The following CD276 variants were observed in gnomAD, a reference collection of about 807,000 sequenced individuals.
CD276 encodes CD276 molecule.
In CD276, 34 loss-of-function variants were observed where a neutral mutation model predicts 50.0. The ratio of observed to expected loss-of-function variants is 0.68; its 90% CI spans 0.52 to 0.91. The LOEUF (loss-of-function observed/expected upper bound fraction) is 0.91, where lower values mean the gene tolerates loss of function less well. Among genes scored for constraint, CD276 ranks in the 40% least tolerant of loss-of-function variants. The pLI is 0.00. For synonymous variants in CD276, 275 were observed against 313.0 expected (o/e 0.88, Z 1.28); for missense variants, 634 against 717.5 (o/e 0.88, Z 1.33).
chr15:73,691,198 G>GATA (rs1899974690), intron 1 of CD276, among the ~76,000 whole-genome samples: 1 of 150,524 alleles, frequency 6.6e-6, no homozygotes, highest in Non-Finnish European at 1.5e-5. Flanking sequence ...TTCAGTTACA[G>GATA]ATAATAGAAA....
chr15:73,712,450 A>C (rs1900941040), intron 9 of CD276, among the ~76,000 whole-genome samples: 1 of 151,770 alleles, frequency 6.6e-6, no homozygotes, highest in Non-Finnish European at 1.5e-5. Context: ...CTGAAAGATG[A>C]GTCTTTGGGA....
At chr15:73,706,665 A>G (rs7176654) in intron 6 of CD276, among the ~76,000 whole-genome samples, 83,454 of 152,016 alleles carry the variant, frequency 0.55, 23,006 homozygotes, top group African/African-American at 0.57. Flanking sequence ...GCAGCTTTGT[A>G]TCATGTCAAA....
chr15:73,704,402 T>C lies in CD276; in HGVS notation c.1299T>C (p.Asn433=), dbSNP rs1020041347. The C allele has an allele frequency of 6.2e-7, 1 of 1,613,980 alleles. No individual in the cohort carries two copies. The highest frequency in any genetic ancestry group is 8.5e-7 in the Non-Finnish European group (1 of 1,180,054). The stretch of plus-strand genomic sequence containing the variant: ...TCCTGCGGGTGGTGCTGGGTGCGAA[T>C]GGCACCTACAGCTGCCTGGTGCGCA... The part of the protein sequence containing the change: ...HSVLRVVLGA[N]GTYSCLVRNP... The change falls in exon 6 of 10, where the codon AAT becomes AAC. Residue 433 remains asparagine, a synonymous_variant. Transcript: ENST00000318443. The surrounding 1 kb of genome is among the most constrained non-coding windows in gnomAD (Gnocchi z 4.1).
At chr15:73,699,776 G>T in intron 2 of CD276, 58 bp downstream of exon 2, 1 of 1,524,280 alleles carries the variant, frequency 6.6e-7, no homozygotes, top group East Asian at 2.4e-5. Flanking sequence ...CAGTTGGGGA[G>T]GGGGTGCCCA....
At chr15:73,685,405 A>T (rs1454685947) in intron 1 of CD276, among the ~76,000 whole-genome samples, 2 of 149,852 alleles carry the variant, frequency 1.3e-5, no homozygotes, top group East Asian at 2.0e-4. Context: ...CAGATATGGG[A>T]TCTATCACTG....
chr15:73,703,864 C>T lies in CD276; in HGVS notation c.939C>T (p.Leu313=). The T allele has an allele frequency of 6.2e-7, 1 of 1,613,706 alleles. No homozygotes were observed. The highest frequency in any genetic ancestry group is 8.5e-7 in the Non-Finnish European group (1 of 1,180,010). ...GCGCCTATGCCAACCGCACGGCCCT[C>T]TTCCCGGACCTGCTGGCACAAGGCA... is the stretch of plus-strand genomic sequence containing the variant. ...QGSAYANRTA[L]FPDLLAQGNA... is the part of the protein sequence containing the mutation. Residue 313 remains leucine, a synonymous_variant, in exon 5 of 10, where the codon CTC becomes CTT. Coordinates refer to ENST00000318443, the MANE Select transcript of CD276 (RefSeq NM_001024736.2).
rs772688844 is a variant in CD276 at position 73,704,254 on chromosome 15, C to T, written c.1151C>T (p.Ser384Phe). ...RPGDTVTITC[S>F]SYRGYPEAEV... is the part of the protein sequence containing the mutation. ...GGGGACACGGTGACCATCACGTGCTCCAGCTACCGGGGCTACCCTGAGGCT... is the reference window on the plus strand; with the variant it reads ...GGGGACACGGTGACCATCACGTGCTTCAGCTACCGGGGCTACCCTGAGGCT... Residue 384 changes from serine to phenylalanine, a missense_variant, in exon 6 of 10, where the codon TCC becomes TTC. By Grantham distance (155) the Ser-to-Phe change is radical. Transcript: ENST00000318443. The surrounding 1 kb of genome is among the most constrained non-coding windows in gnomAD (Gnocchi z 4.1). 26 of 1,614,074 alleles carry T rather than the reference C, an allele frequency of 1.6e-5. No homozygotes were observed. In the South Asian group the frequency reaches 2.3e-4, roughly 14 times the overall value.
chr15:73,710,088 G>T (rs1037670443), intron 8 of CD276, among the ~76,000 whole-genome samples: 6 of 152,146 alleles, frequency 3.9e-5, no homozygotes, highest in African/African-American at 1.4e-4. Flanking sequence ...CTCTGGCTTC[G>T]GTTTCCTCTT....
rs551451570 is a variant in CD276 at position 73,713,480 on chromosome 15, G to A, written c.*524G>A. On this transcript the variant is annotated 3_prime_UTR_variant, in exon 10 of 10. Coordinates refer to ENST00000318443, the MANE Select transcript of CD276 (RefSeq NM_001024736.2). ...CATAGAATCTTTTCTTCTCAGACAG[G>A]GACAGTGCGGCCTCAACATCTCCTG... 176 of 288,968 alleles carry A rather than the reference G, an allele frequency of 6.1e-4. 1 individual carries two copies. The highest frequency in any genetic ancestry group is 3.7e-3 in the African/African-American group (158 of 42,588). 17.9% of individuals were successfully genotyped at this position (288,968 alleles called of 1,614,324 possible). A position where few individuals can be genotyped will look rare whatever the true frequency, so the allele number is the denominator to read the frequency against.
rs1899825434 is a variant in CD276, at chr15:73,687,685, C to T, written c.-55+3225C>T. Among the ~76,000 whole-genome samples the T allele has an allele frequency of 6.6e-6, 1 of 152,216 alleles. No homozygotes were observed. The highest frequency in any genetic ancestry group is 1.5e-5 in the Non-Finnish European group (1 of 68,032). ...ACCCTCCAGTTCTGACCAGTGCTCCCAGCCAGCTGCCCCCTTTCTCCCTTT... is the reference window on the plus strand; with the variant it reads ...ACCCTCCAGTTCTGACCAGTGCTCCTAGCCAGCTGCCCCCTTTCTCCCTTT... On this transcript the variant is annotated intron_variant, in intron 1 of 9. Transcript: ENST00000318443. The surrounding 1 kb of genome is among the most constrained non-coding windows in gnomAD (Gnocchi z 4.0).
chr15:73,709,582 G>GA, intron 7 of CD276, 66 bp from the exon 8 acceptor site: 1 of 1,537,292 alleles, frequency 6.5e-7, no homozygotes, highest in Non-Finnish European at 9.0e-7. Flanking sequence ...TCTCAGGTGG[G>GA]AAAGTGCTGG....
chr15:73,711,065 C>T (rs1334532093), intron 8 of CD276, 70 bp from the exon 9 acceptor site: 3 of 1,545,302 alleles, frequency 1.9e-6, no homozygotes, highest in South Asian at 1.1e-5. Flanking sequence ...ACTCCTCCCT[C>T]TGCCTGACTC....
chr15:73,703,135 C>T (rs371713870), intron 4 of CD276, 49 bp downstream of exon 4: 23 of 1,523,934 alleles, frequency 1.5e-5, no homozygotes, highest in African/African-American at 6.9e-5. Flanking sequence ...CTGCTTCTGT[C>T]GGCAGGGGTT....
intron 1 of CD276, among the ~76,000 whole-genome samples, chr15:73,696,239 G>A (rs1034818369): frequency 2.0e-5 from 3 of 151,840 alleles, no homozygotes; most frequent in Non-Finnish European, 1.5e-5. Flanking sequence ...GGCAGGTCCC[G>A]GCTGGGGATG....
intron 1 of CD276, among the ~76,000 whole-genome samples, chr15:73,692,176 C>T (rs926390125): frequency 5.3e-5 from 8 of 152,150 alleles, no homozygotes; most frequent in African/African-American, 1.9e-4. Flanking sequence ...GCCAGATAGC[C>T]GAGATGTCTC....
At chr15:73,701,021 A>G (rs1340016361) in intron 2 of CD276, among the ~76,000 whole-genome samples, 1 of 143,046 alleles carries the variant, frequency 7.0e-6, no homozygotes, top group African/African-American at 2.7e-5. Context: ...CTCCTGCCTC[A>G]GCCTCCTGAG....
intron 1 of CD276, among the ~76,000 whole-genome samples, chr15:73,694,840 T>C (rs1330803491): frequency 6.6e-6 from 1 of 152,144 alleles, no homozygotes; most frequent in African/African-American, 2.4e-5. Context: ...AAAAATGCTA[T>C]GGAAGAAGGG....
intron 1 of CD276, among the ~76,000 whole-genome samples, chr15:73,690,106 C>T (rs1480481170): frequency 6.6e-6 from 1 of 152,234 alleles, no homozygotes; most frequent in Non-Finnish European, 1.5e-5. Context: ...CAGATCCTTT[C>T]CCCATATACA....
chr15:73,703,015 T>C lies in CD276; in HGVS notation c.662T>C (p.Leu221Pro). The C allele has an allele frequency of 1.2e-6, 2 of 1,614,034 alleles. No individual in the cohort carries two copies. The highest frequency in any genetic ancestry group is 8.5e-7 in the Non-Finnish European group (1 of 1,179,990). Residue 221 changes from leucine to proline, a missense_variant, in exon 4 of 10, where the codon CTG (leucine) becomes CCG (proline). Leu to Pro is a moderately conservative substitution (Grantham distance 98). Transcript: ENST00000318443. ...GGTGCAAATGGCACCTACAGCTGCCTGGTGCGCAACCCCGTGCTGCAGCAG... is the reference window on the plus strand; with the variant it reads ...GGTGCAAATGGCACCTACAGCTGCCCGGTGCGCAACCCCGTGCTGCAGCAG... ...VLGANGTYSCLVRNPVLQQDA... is the reference protein window; with the variant it reads ...VLGANGTYSCPVRNPVLQQDA...
Sources: allele counts gnomAD v4.1 joint callset (sites outside exome capture counted in the v4.1 genomes callset), GRCh38; gene constraint gnomAD v4.1.1; non-coding constraint Gnocchi (gnomAD v3.1); transcripts MANE v1.5; gene names NCBI Gene and HGNC (gene_info 2026-07-23, HGNC 2026-07-21).